The following TPO variants were observed in gnomAD, a reference collection of about 807,000 sequenced individuals.
TPO encodes thyroid peroxidase.
In TPO, 78 loss-of-function variants were observed where a neutral mutation model predicts 96.9. The ratio of observed to expected loss-of-function variants is 0.81; its 90% CI spans 0.67 to 0.97. TPO has a LOEUF of 0.97. Ranked by LOEUF, TPO falls within the 50% of genes least tolerant of loss-of-function variation. TPO has a pLI of 0.00. For synonymous variants in TPO, 547 were observed against 538.0 expected, an observed-to-expected ratio of 1.02 and a Z score of -0.23; for missense variants, 1,252 against 1,274.8, an observed-to-expected ratio of 0.98 and a Z score of 0.27.
intron 3 of TPO, among the ~76,000 whole-genome samples, chr2:1,426,998 G>A (rs911322179): frequency 2.0e-5 from 3 of 152,326 alleles, no homozygotes; most frequent in East Asian, 1.9e-4. Context: ...TTTACGAAAA[G>A]GGAGAGTCTG....
intron 15 of TPO, among the ~76,000 whole-genome samples, chr2:1,536,907 C>G (rs1412293598): frequency 7.6e-6 from 1 of 131,690 alleles, no homozygotes; most frequent in Non-Finnish European, 1.6e-5. Context: ...CAAATCCCAA[C>G]TGTTTGCAAC....
At chr2:1,536,702 A>C (rs1679732269) in intron 15 of TPO, among the ~76,000 whole-genome samples, 3 of 77,610 alleles carry the variant, frequency 3.9e-5, no homozygotes, top group Admixed American at 4.2e-4. Context: ...CCATAAATCC[A>C]ACCAAATGTA....
intron 5 of TPO, among the ~76,000 whole-genome samples, chr2:1,439,615 C>A (rs1364573609): frequency 3.9e-5 from 6 of 152,122 alleles, no homozygotes; most frequent in Non-Finnish European, 7.4e-5. Flanking sequence ...AAACCTCTCC[C>A]AGCATCTCAG....
intron 7 of TPO, among the ~76,000 whole-genome samples, chr2:1,462,155 C>T (rs1048827553): frequency 6.6e-6 from 1 of 152,152 alleles, no homozygotes; most frequent in Admixed American, 6.5e-5. Context: ...ACTTCCCTTC[C>T]ACACGGAGCA....
chr2:1,391,954 T>C (rs1662007790), intron 1 of TPO, among the ~76,000 whole-genome samples: 1 of 152,200 alleles, frequency 6.6e-6, no homozygotes, highest in Non-Finnish European at 1.5e-5. Context: ...AATCATGTCA[T>C]CTGCGAACAG....
chr2:1,507,027 G>A (rs1307622337), intron 14 of TPO, among the ~76,000 whole-genome samples: 1 of 151,794 alleles, frequency 6.6e-6, no homozygotes, highest in Admixed American at 6.6e-5. Flanking sequence ...GGTCTAACAT[G>A]TAAGTCTTTA....
chr2:1,424,973 G>T (rs181815973), intron 3 of TPO, among the ~76,000 whole-genome samples: 5 of 18,096 alleles, frequency 2.8e-4, no homozygotes, highest in African/African-American at 6.9e-4. Context: ...TAAAGTCATT[G>T]TTCTAGATGC....
In TPO at chr2:1,517,132, G is replaced by A. The variant is rs754932735; in HGVS notation, c.2618+150G>A. The A allele has an allele frequency of 1.0e-4, 82 of 795,268 alleles. No homozygotes were observed. The Middle Eastern group carries it at 1.3e-3, about 13-fold the overall frequency. The allele number at this position is 795,268 out of a possible 1,614,324, so 49.3% of individuals were successfully genotyped here. On this transcript the variant is annotated intron_variant, in intron 15 of 16. Coordinates refer to ENST00000329066, the MANE Select transcript of TPO (RefSeq NM_001206744.2). ...TGATCTCAGAGCTATTTTGTACAAC[G>A]TAATAGACTCTCCGGATCTTTCATT...
chr2:1,533,856 T>A (rs1454180103), intron 15 of TPO, among the ~76,000 whole-genome samples: 2 of 93,062 alleles, frequency 2.1e-5, no homozygotes, highest in Admixed American at 2.6e-4. Flanking sequence ...CCTAGCTTTG[T>A]GAAACCTCCC....
At chr2:1,472,954 T>C (rs772118305) in intron 7 of TPO, among the ~76,000 whole-genome samples, 2 of 152,182 alleles carry the variant, frequency 1.3e-5, no homozygotes, top group Non-Finnish European at 2.9e-5. Context: ...TTTGTATTTG[T>C]TCAACGAATG....
chr2:1,423,252 A>G, intron 3 of TPO, 123 bp downstream of exon 3: 2 of 846,316 alleles, frequency 2.4e-6, no homozygotes, highest in Non-Finnish European at 3.9e-6. Flanking sequence ...GCCATTGTTA[A>G]TTTACTTCCC....
intron 1 of TPO, among the ~76,000 whole-genome samples, chr2:1,402,356 C>A (rs374879790): frequency 6.6e-6 from 1 of 152,096 alleles, no homozygotes; most frequent in South Asian, 2.1e-4. Context: ...AATGCCTGGC[C>A]CCGTGGAATC....
In TPO at chr2:1,400,568, C is replaced by CAAAAAAAAAAAAA. The variant is rs34242408; in HGVS notation, n.180+26174_180+26186dup. On this transcript the variant is annotated intron_variant and non_coding_transcript_variant, in intron 1 of 5. Coordinates refer to the TPO transcript ENST00000497517. ...TGGATAAAGAAGTGAGACTCTGTCT[C>CAAAAAAAAAAAAA]AAAAAAAAAAAAAAAAAAAAGAAAT... is the stretch of plus-strand genomic sequence containing the variant. 1.3e-3 allele frequency among the ~76,000 whole-genome samples: 92 copies of CAAAAAAAAAAAAA among 71,588 alleles called. 4 individuals carry two copies. Among genetic ancestry groups the CAAAAAAAAAAAAA allele is most frequent in the African/African-American group, 4.5e-3 (81 of 18,200 alleles). 47.0% of individuals were successfully genotyped at this position (71,588 alleles called of 152,430 possible).
chr2:1,472,628 T>C (rs1180713737), intron 7 of TPO, among the ~76,000 whole-genome samples: 2 of 152,078 alleles, frequency 1.3e-5, no homozygotes, highest in Non-Finnish European at 2.9e-5. Context: ...CCTTCCGTGT[T>C]ACAGCCTCTG....
At chr2:1,509,064 C>G (rs1673788968) in intron 14 of TPO, among the ~76,000 whole-genome samples, 1 of 152,036 alleles carries the variant, frequency 6.6e-6, no homozygotes, top group Admixed American at 6.6e-5. Flanking sequence ...TGAATGTGTC[C>G]CAGAGATTGT....
At chr2:1,498,955 A>G (rs28912985) in intron 13 of TPO, among the ~76,000 whole-genome samples, 6,993 of 152,012 alleles carry the variant, frequency 0.046, 559 homozygotes, top group African/African-American at 0.16. Flanking sequence ...GCTTCAGGGT[A>G]TAGCATGTTG....
At chr2:1,528,384 G>GC (rs1677125443) in intron 15 of TPO, among the ~76,000 whole-genome samples, 1 of 30,620 alleles carries the variant, frequency 3.3e-5, no homozygotes, top group Non-Finnish European at 6.3e-5. Context: ...CCCAAATCCC[G>GC]CCACTGTGTG....
intron 3 of TPO, among the ~76,000 whole-genome samples, chr2:1,428,305 T>G (rs561021584): frequency 6.6e-6 from 1 of 152,160 alleles, no homozygotes; most frequent in East Asian, 1.9e-4. Flanking sequence ...GACTGTGGCT[T>G]GTGGGGTGGT....
chr2:1,377,548 CAG>C, intron 1 of TPO, among the ~76,000 whole-genome samples: 1 of 152,282 alleles, frequency 6.6e-6, no homozygotes, highest in Middle Eastern at 3.4e-3. Flanking sequence ...TGAACCCAGA[CAG>C]AGTCTTTGAA....
Sources: gnomAD v4.1 joint callset for allele counts (sites outside exome capture counted in the v4.1 genomes callset) on GRCh38, gnomAD v4.1.1 for gene constraint, MANE v1.5 for transcripts, NCBI Gene and HGNC (gene_info 2026-07-23, HGNC 2026-07-21) for gene names.